The following GAREM1 variants were observed in gnomAD, a reference collection of about 807,000 sequenced individuals.
The protein encoded by GAREM1 is GRB2 associated regulator of MAPK1 subtype 1.
Under a neutral mutation model 71.3 loss-of-function variants are expected in GAREM1, and 26 were observed. The ratio of observed to expected loss-of-function variants is 0.36; its 90% CI spans 0.27 to 0.51. The LOEUF is 0.51. GAREM1 is among the 20% of genes least tolerant of loss of function. The probability of loss-of-function intolerance (pLI) is 0.95; values close to 1 mark genes in which losing one functional copy is unlikely to be tolerated. For missense variants in GAREM1, 1,026 were observed against 1,103.1 expected (o/e 0.93, Z 0.99); for synonymous variants, 440 against 433.2 (o/e 1.02, Z -0.20).
intron 1 of GAREM1, among the ~76,000 whole-genome samples, chr18:32,453,847 T>C (rs2048864259): frequency 6.6e-6 from 1 of 152,048 alleles, no homozygotes; most frequent in Non-Finnish European, 1.5e-5. Flanking sequence ...GAAGAATCCT[T>C]AAACAAGGCT....
At chr18:32,357,080 A>T (rs888383802) in intron 2 of GAREM1, among the ~76,000 whole-genome samples, 4 of 152,166 alleles carry the variant, frequency 2.6e-5, no homozygotes, top group Non-Finnish European at 5.9e-5. Context: ...TCGTACAAAG[A>T]ACTTGTTCTT....
Position 32,270,284 on chromosome 18 carries a change from G to A in GAREM1, c.1666C>T (p.Pro556Ser). ...SPSIPPRTVK[P>S]ARQQTRSPSP... ...GGAGAGCGAGTCTGTTGCCGCGCTG[G>A]CTTGACTGTGCGAGGAGGGATGGAG... is the stretch of plus-strand genomic sequence containing the variant. The change falls in exon 5 of 6, where the codon CCA (proline) becomes TCA (serine). Residue 556 changes from proline to serine, a missense_variant. Coordinates refer to ENST00000269209, the MANE Select transcript of GAREM1 (RefSeq NM_001242409.2). The A allele has an allele frequency of 6.2e-7, 1 of 1,613,996 alleles. No individual in the cohort carries two copies. The highest frequency in any genetic ancestry group is 8.5e-7 in the Non-Finnish European group (1 of 1,179,972).
intron 1 of GAREM1, among the ~76,000 whole-genome samples, chr18:32,459,655 G>A (rs781588691): frequency 5.9e-5 from 9 of 152,062 alleles, no homozygotes; most frequent in East Asian, 3.9e-4. Context: ...GTGGGTCAGC[G>A]GTCAAAGGTA....
chr18:32,273,379 A>G lies in GAREM1; in HGVS notation c.1567-2996T>C, dbSNP rs186878186. On this transcript the variant is annotated intron_variant, in intron 4 of 5. Transcript: ENST00000269209. Reference sequence around the variant, plus strand: ...GGCTGACTTAGGTTTATAAACTCAGAAAAGAAGCCACTTGTAGTTGAATTT... The same window carrying G: ...GGCTGACTTAGGTTTATAAACTCAGGAAAGAAGCCACTTGTAGTTGAATTT... Among the ~76,000 whole-genome samples the G allele has an allele frequency of 3.0e-4, 46 of 152,314 alleles. No individual in the cohort carries two copies. In the East Asian group the frequency reaches 5.0e-3, roughly 17 times the overall value.
At chr18:32,361,163 G>T (rs2047861400) in intron 2 of GAREM1, among the ~76,000 whole-genome samples, 1 of 152,086 alleles carries the variant, frequency 6.6e-6, no homozygotes, top group Admixed American at 6.5e-5. Context: ...TGCCTACATT[G>T]CCTCACACAG....
chr18:32,400,202 C>T (rs903554043), intron 1 of GAREM1, among the ~76,000 whole-genome samples: 3 of 152,274 alleles, frequency 2.0e-5, no homozygotes, highest in African/African-American at 4.8e-5. Context: ...ACATGTTAGA[C>T]CTAAAACCAT....
chr18:32,442,697 C>G lies in GAREM1; in HGVS notation c.121+27611G>C, dbSNP rs549777631. ...GGCAGTTCCCAAGTCACCTGCATGT[C>G]TTAAGCTTTTGCCCTCTACTCAGTA... On this transcript the variant is annotated intron_variant, in intron 1 of 5. Transcript: ENST00000269209. Among the ~76,000 whole-genome samples the G allele has an allele frequency of 8.6e-4, 131 of 152,270 alleles. 3 individuals carry two copies. The South Asian group carries it at 0.025, about 29-fold the overall frequency.
At chr18:32,386,000 CA>C (rs1363242245) in intron 2 of GAREM1, among the ~76,000 whole-genome samples, 1 of 152,132 alleles carries the variant, frequency 6.6e-6, no homozygotes, top group Non-Finnish European at 1.5e-5. Context: ...ATTCAGTCAT[CA>C]AAAATGGTTA....
intron 4 of GAREM1, among the ~76,000 whole-genome samples, chr18:32,285,186 G>T (rs1309970808): frequency 6.6e-6 from 1 of 152,146 alleles, no homozygotes; most frequent in African/African-American, 2.4e-5. Context: ...GGGATCTCTG[G>T]GCTTGTGCCT....
At chr18:32,324,980 T>C (rs2047461794) in intron 2 of GAREM1, among the ~76,000 whole-genome samples, 1 of 152,092 alleles carries the variant, frequency 6.6e-6, no homozygotes, top group Admixed American at 6.5e-5. Flanking sequence ...TTAGACAGAG[T>C]CTTGCTGTGT....
chr18:32,467,447 C>T (rs1219289951), intron 1 of GAREM1, among the ~76,000 whole-genome samples: 1 of 152,080 alleles, frequency 6.6e-6, no homozygotes. Flanking sequence ...CTGGAAATTC[C>T]ACTCCACCAT....
intron 1 of GAREM1, among the ~76,000 whole-genome samples, chr18:32,407,601 G>A (rs2048376841): frequency 6.6e-6 from 1 of 152,100 alleles, no homozygotes; most frequent in Non-Finnish European, 1.5e-5. Context: ...CCAGTACAAT[G>A]CTGAACATAA....
chr18:32,292,000 T>C (rs1161723671), intron 3 of GAREM1, among the ~76,000 whole-genome samples: 2 of 152,234 alleles, frequency 1.3e-5, no homozygotes, highest in Admixed American at 6.5e-5. Flanking sequence ...CCTTTGGGTA[T>C]ATACCCAGTA....
intron 2 of GAREM1, among the ~76,000 whole-genome samples, chr18:32,346,499 T>A (rs1022625004): frequency 1.3e-5 from 2 of 152,222 alleles, no homozygotes; most frequent in Admixed American, 1.3e-4. Context: ...TAAACTGTTA[T>A]TTTAAAAAGG....
At chr18:32,294,163 T>C (rs1341667742) in intron 3 of GAREM1, among the ~76,000 whole-genome samples, 3 of 152,328 alleles carry the variant, frequency 2.0e-5, no homozygotes, top group East Asian at 3.9e-4. Context: ...TTCCTGAATA[T>C]ACTGTGTTTA....
intron 2 of GAREM1, among the ~76,000 whole-genome samples, chr18:32,378,261 C>T (rs1326917919): frequency 6.6e-6 from 1 of 151,902 alleles, no homozygotes; most frequent in Non-Finnish European, 1.5e-5. Context: ...GCACTTTGAG[C>T]GGCCAAGGCG....
chr18:32,336,406 G>C (rs2047595651), intron 2 of GAREM1, among the ~76,000 whole-genome samples: 1 of 148,722 alleles, frequency 6.7e-6, no homozygotes, highest in African/African-American at 2.5e-5. Context: ...CTCCAGCCTG[G>C]GCAACAGAGC....
chr18:32,315,930 C>T (rs2047373951), intron 2 of GAREM1, among the ~76,000 whole-genome samples: 1 of 152,136 alleles, frequency 6.6e-6, no homozygotes, highest in African/African-American at 2.4e-5. Context: ...ACCTTTATCC[C>T]CTTGTCTCCC....
At chr18:32,391,491 T>A (rs949548554) in intron 2 of GAREM1, among the ~76,000 whole-genome samples, 1 of 152,186 alleles carries the variant, frequency 6.6e-6, no homozygotes, top group Non-Finnish European at 1.5e-5. Flanking sequence ...AATTTCCTCA[T>A]AGATGAATAC....
Sources: allele counts gnomAD v4.1 joint callset (sites outside exome capture counted in the v4.1 genomes callset), GRCh38; gene constraint gnomAD v4.1.1; transcripts MANE v1.5; gene names NCBI Gene and HGNC (gene_info 2026-07-23, HGNC 2026-07-21).